The following ATP8B2 variants were observed in gnomAD, a reference collection of about 807,000 sequenced individuals.
ATP8B2 encodes ATPase phospholipid transporting 8B2.
In ATP8B2, 70 loss-of-function variants were observed where a neutral mutation model predicts 133.4. The ratio of observed to expected loss-of-function variants is 0.52; its 90% CI spans 0.43 to 0.64. ATP8B2 has a LOEUF of 0.64. Ranked by LOEUF, ATP8B2 falls within the 30% of genes least tolerant of loss-of-function variation. ATP8B2 has a pLI of 0.00. For missense variants in ATP8B2, 1,101 were observed against 1,535.7 expected, an observed-to-expected ratio of 0.72 and a Z score of 4.73; for synonymous variants, 517 against 589.5, an observed-to-expected ratio of 0.88 and a Z score of 1.78.
At chr1:154,329,731 A>G (rs891915150) in intron 2 of ATP8B2, among the ~76,000 whole-genome samples, 7 of 152,150 alleles carry the variant, frequency 4.6e-5, no homozygotes, top group African/African-American at 1.7e-4. Flanking sequence ...CTCAGTCTGC[A>G]TGACCCATAT....
chr1:154,329,041 C>T (rs1685892879), intron 2 of ATP8B2: 2 of 1,303,544 alleles, frequency 1.5e-6, no homozygotes, highest in Non-Finnish European at 2.0e-6. Flanking sequence ...AGGCGCCTCC[C>T]TCTTGGAGCC....
intron 14 of ATP8B2, 53 bp from the exon 15 acceptor site, chr1:154,342,743 G>A (rs1317175724): frequency 1.8e-5 from 29 of 1,587,176 alleles, no homozygotes; most frequent in Non-Finnish European, 2.1e-5. Flanking sequence ...ACCCTTCCCC[G>A]GGATGCAGCC....
At position 154,330,376 on chromosome 1, in the gene ATP8B2, G is replaced by A. The variant is rs748400109; in HGVS notation, c.32-20G>A. The A allele has an allele frequency of 6.2e-6, 10 of 1,612,410 alleles. No homozygotes were observed. Among genetic ancestry groups the A allele is most frequent in the Non-Finnish European group, 8.5e-6 (10 of 1,179,164 alleles). ...AGACCTCAGTTTGCTCCTCCTGACT[G>A]CAGCATCATTTTGTTGCAGAAGAAG... On this transcript the variant is annotated intron_variant, in intron 2 of 27. Transcript: ENST00000368489.
rs1020972516 is a variant in ATP8B2, at chr1:154,349,193, G to A, written c.*75G>A. 13 of 1,521,908 alleles carry A rather than the reference G, an allele frequency of 8.5e-6. No homozygotes were observed. The highest frequency in any genetic ancestry group is 4.7e-5 in the East Asian group (2 of 42,180). 94.3% of individuals were successfully genotyped at this position (1,521,908 alleles called of 1,614,324 possible). On this transcript the variant is annotated 3_prime_UTR_variant, in exon 28 of 28. Coordinates refer to ENST00000368489, the MANE Select transcript of ATP8B2 (RefSeq NM_001370597.1). ...CCAGTCACTGAGGGAACAGCGTCTC[G>A]GAACTGCTGGTCCTCATTCCTTGCT...
rs1160576840 is a variant in ATP8B2 at position 154,343,058 on chromosome 1, G to T, written c.1454-55G>T. ...GGCTGGGCTGGGGCTTCCTGGGCGG[G>T]GCACGTGGCTGAGGGAAGCCACTTA... is the stretch of plus-strand genomic sequence containing the variant. On this transcript the variant is annotated intron_variant, in intron 15 of 27. Transcript: ENST00000368489. This position sits in a 1 kb window ranked among gnomAD's most constrained non-coding sequence, Gnocchi z 5.8. 6.3e-7 allele frequency: 1 copy of T among 1,595,770 alleles called. No individual in the cohort carries two copies. Among genetic ancestry groups the T allele is most frequent in the Non-Finnish European group, 8.5e-7 (1 of 1,169,610 alleles).
chr1:154,344,496 C>T lies in ATP8B2; in HGVS notation c.2137C>T (p.Leu713Phe). 6.2e-7 allele frequency: 1 copy of T among 1,614,090 alleles called. No homozygotes were observed. Among genetic ancestry groups the T allele is most frequent in the South Asian group, 1.1e-5 (1 of 91,082 alleles). The change falls in exon 20 of 28, where the codon CTC becomes TTC. Residue 713 changes from leucine to phenylalanine, a missense_variant. By Grantham distance (22) the Leu-to-Phe change is conservative. Transcript: ENST00000368489. The surrounding 1 kb of genome is among the most constrained non-coding windows in gnomAD (Gnocchi z 4.1). ...TACTGTCCTGGAGGTGCGGGAGGAG[C>T]TCAGGTAAACAAGAAGCCCAGGGGA... ...GHTVLEVREE[L>F]RKAREKMMDS... is the part of the protein sequence containing the mutation.
At position 154,331,969 on chromosome 1, in the gene ATP8B2, C is replaced by T. The variant is rs755502333; in HGVS notation, c.454C>T (p.Leu152Phe). 1 of 1,614,128 alleles carries T rather than the reference C, an allele frequency of 6.2e-7. No homozygotes were observed. The highest frequency in any genetic ancestry group is 1.1e-5 in the South Asian group (1 of 91,084). ...TTCTCTCTAGGCGGATCTCCTCCTC[C>T]TTTCCAGCAGTGAGCCCCATGGGCT... ...NQFVAADLLL[L>F]SSSEPHGLCY... Residue 152 changes from leucine to phenylalanine, a missense_variant, in exon 8 of 28, where the codon CTT (leucine) becomes TTT (phenylalanine). Coordinates refer to ENST00000368489, the MANE Select transcript of ATP8B2 (RefSeq NM_001370597.1). The surrounding 1 kb of genome is among the most constrained non-coding windows in gnomAD (Gnocchi z 4.8).
chr1:154,334,314 G>C lies in ATP8B2; in HGVS notation c.748+49G>C, dbSNP rs201417005. The C allele has an allele frequency of 5.0e-4, 808 of 1,603,868 alleles. 2 individuals carry two copies. Among genetic ancestry groups the C allele is most frequent in the Middle Eastern group, 2.3e-3 (14 of 5,964 alleles). On this transcript the variant is annotated intron_variant, in intron 10 of 27. Transcript: ENST00000368489. The surrounding 1 kb of genome is among the most constrained non-coding windows in gnomAD (Gnocchi z 4.6). Reference sequence around the variant, plus strand: ...AAGAAGGGTAAGAGTGACTCAGCCAGCCCTCACTCAGGAGTATGGGATGAG... The same window carrying C: ...AAGAAGGGTAAGAGTGACTCAGCCACCCCTCACTCAGGAGTATGGGATGAG...
intron 8 of ATP8B2, 102 bp downstream of exon 8, chr1:154,332,126 GA>G: frequency 8.3e-7 from 1 of 1,202,516 alleles, no homozygotes; most frequent in Non-Finnish European, 1.2e-6. Context: ...TCTGAATTTG[GA>G]AAAATTAGGG....
In ATP8B2 at chr1:154,349,261, C is replaced by G; in HGVS notation, c.*143C>G. ...ACTCTGTCCTGCTGGTCCCACCACA[C>G]ATGGCTGGGACATCTGTTCCCAGCT... On this transcript the variant is annotated 3_prime_UTR_variant, in exon 28 of 28. Transcript: ENST00000368489. 1 of 1,104,580 alleles carries G rather than the reference C, an allele frequency of 9.1e-7. No individual in the cohort carries two copies. The highest frequency in any genetic ancestry group is 1.3e-6 in the Non-Finnish European group (1 of 784,456). 68.4% of individuals were successfully genotyped at this position (1,104,580 alleles called of 1,614,324 possible). A position where few individuals can be genotyped will look rare whatever the true frequency, so the allele number is the denominator to read the frequency against.
Position 154,340,978 on chromosome 1 carries a change from G to C in ATP8B2, c.1159G>C (p.Glu387Gln), listed in dbSNP as rs1231135749. The C allele has an allele frequency of 6.2e-7, 1 of 1,614,190 alleles. No homozygotes were observed. The highest frequency in any genetic ancestry group is 8.5e-7 in the Non-Finnish European group (1 of 1,180,046). The change falls in exon 13 of 28, where the codon GAG (glutamate) becomes CAG (glutamine). Residue 387 changes from glutamate (E) to glutamine (Q), a missense_variant. Transcript: ENST00000368489. The surrounding 1 kb of genome is among the most constrained non-coding windows in gnomAD (Gnocchi z 4.0). ...CCTAAACGAGGAGCTGGGCCAGGTG[G>C]AGTACATCTTCTCCGACAAGACGGG... ...TTLNEELGQV[E>Q]YIFSDKTGTL...
chr1:154,329,837 C>T (rs1251864325), intron 2 of ATP8B2, among the ~76,000 whole-genome samples: 2 of 152,108 alleles, frequency 1.3e-5, no homozygotes, highest in African/African-American at 4.8e-5. Flanking sequence ...TTGCTGGTGA[C>T]ATGTGACAAC....
rs772506272 is a variant in ATP8B2 at position 154,330,382 on chromosome 1, T to G, written c.32-14T>G. On this transcript the variant is annotated splice_polypyrimidine_tract_variant and intron_variant, in intron 2 of 27. Transcript: ENST00000368489. ...CAGTTTGCTCCTCCTGACTGCAGCATCATTTTGTTGCAGAAGAAGAAAGGA... is the reference window on the plus strand; with the variant it reads ...CAGTTTGCTCCTCCTGACTGCAGCAGCATTTTGTTGCAGAAGAAGAAAGGA... 2 of 1,613,096 alleles carry G rather than the reference T, an allele frequency of 1.2e-6. No homozygotes were observed. The highest frequency in any genetic ancestry group is 1.1e-5 in the South Asian group (1 of 91,052).
rs1214880534 is a variant in ATP8B2 at position 154,330,384 on chromosome 1, A to G, written c.32-12A>G. ...GTTTGCTCCTCCTGACTGCAGCATC[A>G]TTTTGTTGCAGAAGAAGAAAGGAGG... On this transcript the variant is annotated splice_polypyrimidine_tract_variant and intron_variant, in intron 2 of 27. Transcript: ENST00000368489. 1.9e-6 allele frequency: 3 copies of G among 1,571,456 alleles called. No individual in the cohort carries two copies. The highest frequency in any genetic ancestry group is 2.4e-5 in the East Asian group (1 of 41,460).
intron 2 of ATP8B2, 52 bp from the exon 3 acceptor site, chr1:154,330,344 T>C (rs1429742694): frequency 1.5e-5 from 23 of 1,535,300 alleles, no homozygotes; most frequent in Middle Eastern, 3.4e-4. Flanking sequence ...CAGCAAAGTG[T>C]TGGTCCAGAC....
intron 8 of ATP8B2, 68 bp from the exon 9 acceptor site, chr1:154,332,550 C>A: frequency 2.4e-6 from 3 of 1,276,192 alleles, no homozygotes; most frequent in Admixed American, 4.0e-5. Flanking sequence ...AGAGCGAGAC[C>A]CCATCTGTGA....
intron 11 of ATP8B2, among the ~76,000 whole-genome samples, chr1:154,337,120 AT>A (rs974810201): frequency 1.5e-3 from 24 of 16,502 alleles, no homozygotes; most frequent in South Asian, 0.013. Context: ...TTTTTTTTTT[AT>A]AATTATTTTT....
chr1:154,346,700 C>G lies in ATP8B2; in HGVS notation c.3105C>G (p.Leu1035=). Residue 1035 remains leucine, a synonymous_variant, in exon 26 of 28, where the codon CTC becomes CTG. Transcript: ENST00000368489. This position sits in a 1 kb window ranked among gnomAD's most constrained non-coding sequence, Gnocchi z 4.5. ...WGSLAVYFAI[L]FAMHSNGLFD... Reference sequence around the variant, plus strand: ...GCCTTGCTGTTTACTTTGCCATCCTCTTTGCCATGCACAGCAATGGGCTCT... The same window carrying G: ...GCCTTGCTGTTTACTTTGCCATCCTGTTTGCCATGCACAGCAATGGGCTCT... 2 of 1,614,230 alleles carry G rather than the reference C, an allele frequency of 1.2e-6. No individual in the cohort carries two copies. Among genetic ancestry groups the G allele is most frequent in the Non-Finnish European group, 1.7e-6 (2 of 1,180,038 alleles).
chr1:154,327,711 C>T (rs754668621), intron 1 of ATP8B2: 23 of 1,337,616 alleles, frequency 1.7e-5, no homozygotes, highest in Non-Finnish European at 2.5e-5. Context: ...ATGTTCCCTC[C>T]ACCCCACCCT....
Sources: allele counts gnomAD v4.1 joint callset (sites outside exome capture counted in the v4.1 genomes callset), GRCh38; gene constraint gnomAD v4.1.1; non-coding constraint Gnocchi (gnomAD v3.1); transcripts MANE v1.5; gene names NCBI Gene and HGNC (gene_info 2026-07-23, HGNC 2026-07-21).